PRKX: variants seen among roughly 807,000 people sequenced by gnomAD.
PRKX encodes the protein cAMP-dependent protein kinase catalytic subunit PRKX.
PRKX carries 12 observed loss-of-function variants against 22.0 expected under a neutral mutation model. That is an observed-to-expected ratio of 0.54 (90% CI 0.35 to 0.88). PRKX has a LOEUF of 0.88. PRKX is among the 40% of genes least tolerant of loss of function. The pLI, the probability that PRKX is intolerant of heterozygous loss-of-function variation, is 0.01. For missense variants in PRKX, 217 were observed against 308.0 expected (o/e 0.70, Z 2.21); for synonymous variants, 134 against 137.7 (o/e 0.97, Z 0.19).
intron 1 of PRKX, among the ~76,000 whole-genome samples, chrX:3,682,184 T>A (rs1204794690): frequency 3.7e-5 from 4 of 108,862 alleles, no homozygotes; most frequent in African/African-American, 1.3e-4. Flanking sequence ...TTCCCGGGAG[T>A]AGATTCACGG....
At chrX:3,625,595 A>C (rs1232858468) in intron 5 of PRKX, among the ~76,000 whole-genome samples, 1 of 110,657 alleles carries the variant, frequency 9.0e-6, no homozygotes, top group Non-Finnish European at 1.9e-5. Flanking sequence ...TTTTTGAGAC[A>C]GAATCTTGCT....
At chrX:3,686,455 T>A (rs1375798293) in intron 1 of PRKX, among the ~76,000 whole-genome samples, 3 of 108,578 alleles carry the variant, frequency 2.8e-5, no homozygotes, top group Non-Finnish European at 3.8e-5. Flanking sequence ...CAGGCTGGTC[T>A]TGAACTCCTG....
At chrX:3,613,082 C>T (rs1299819167) in intron 7 of PRKX, among the ~76,000 whole-genome samples, 6 of 90,066 alleles carry the variant, frequency 6.7e-5, no homozygotes, top group Admixed American at 4.3e-4. Flanking sequence ...ACCTGGGAGG[C>T]GGAGGTTGCA....
At position 3,626,417 on chromosome X, in the gene PRKX, A is replaced by G. The variant is rs1232799599; in HGVS notation, c.815+2T>C. On this transcript the variant is annotated splice_donor_variant, in intron 5 of 8. Transcript: ENST00000262848. LOFTEE classifies it high-confidence loss of function. ...TCATGATGAGGCAAACGGTTTACTT[A>G]CTTTACATGGAAATCCAAATGTCTG... The G allele has an allele frequency of 8.3e-7, 1 of 1,198,494 alleles. No homozygotes were observed.
At chrX:3,675,422 A>C (rs963152162) in intron 1 of PRKX, among the ~76,000 whole-genome samples, 1 of 111,064 alleles carries the variant, frequency 9.0e-6, no homozygotes, top group Non-Finnish European at 1.9e-5. Context: ...GACATTTTCA[A>C]TCCAAACACT....
intron 5 of PRKX, 86 bp from the exon 6 acceptor site, chrX:3,621,402 A>C (rs1603473176): frequency 1.2e-6 from 1 of 854,032 alleles, no homozygotes; most frequent in South Asian, 2.2e-5. Flanking sequence ...CAGAGATAAG[A>C]TCTATCTGAC....
In PRKX at chrX:3,713,233, G is replaced by C; in HGVS notation, c.21C>G (p.Ala7=). The C allele has an allele frequency of 9.5e-7, 1 of 1,055,373 alleles. No homozygotes were observed. The highest frequency in any genetic ancestry group is 1.2e-6 in the Non-Finnish European group (1 of 830,249). The allele number at this position is 1,055,373 out of a possible 1,213,427, so 87.0% of individuals were successfully genotyped here. Residue 7 remains alanine, a synonymous_variant, in exon 1 of 9, where the codon GCC becomes GCG. Coordinates refer to ENST00000262848, the MANE Select transcript of PRKX (RefSeq NM_005044.5). ...AGTCGCTCTCCGCCGCGGCCGCCTG[G>C]GCCAGCCCGGGCGCCTCCATGGGGA... MEAPGL[A]QAAAAESDSR... is the part of the protein sequence containing the mutation.
At chrX:3,652,214 T>C (rs1032989523) in intron 3 of PRKX, among the ~76,000 whole-genome samples, 10 of 110,464 alleles carry the variant, frequency 9.1e-5, no homozygotes, top group East Asian at 8.5e-4. Context: ...GTCAGGAGAT[T>C]GAGACCATCC....
chrX:3,694,371 G>A (rs1928402320), intron 1 of PRKX, among the ~76,000 whole-genome samples: 1 of 110,316 alleles, frequency 9.1e-6, no homozygotes, highest in Non-Finnish European at 1.9e-5. Flanking sequence ...CTGGGCAAAA[G>A]AGCGAAACTC....
At chrX:3,688,861 C>T (rs1410280285) in intron 1 of PRKX, among the ~76,000 whole-genome samples, 3 of 104,489 alleles carry the variant, frequency 2.9e-5, no homozygotes, top group Non-Finnish European at 5.8e-5. Flanking sequence ...AGAGCGGGAC[C>T]CCCATCTGTT....
intron 1 of PRKX, among the ~76,000 whole-genome samples, chrX:3,689,699 T>A (rs10871865): frequency 0.011 from 1,178 of 110,343 alleles, 5 homozygotes; most frequent in Non-Finnish European, 0.017. Flanking sequence ...ATGAATGGGC[T>A]GGGCGCGGTG....
In PRKX at chrX:3,713,271, C is replaced by G; in HGVS notation, c.-18G>C. 1 of 1,011,084 alleles carries G rather than the reference C, an allele frequency of 9.9e-7. No homozygotes were observed. 83.3% of individuals were successfully genotyped at this position (1,011,084 alleles called of 1,213,427 possible). ...GCCTCCATGGGGACGCACTCAGGTC[C>G]GGGGCACCGGGCCAGGCCGGAGCGC... On this transcript the variant is annotated 5_prime_UTR_variant, in exon 1 of 9. Transcript: ENST00000262848.
intron 1 of PRKX, among the ~76,000 whole-genome samples, chrX:3,690,284 A>C (rs1928295790): frequency 8.9e-6 from 1 of 112,150 alleles, no homozygotes; most frequent in Non-Finnish European, 1.9e-5. Flanking sequence ...TAGTTTGGTG[A>C]GTTCACTGGT....
intron 3 of PRKX, among the ~76,000 whole-genome samples, chrX:3,646,470 A>T (rs771130214): frequency 2.7e-5 from 3 of 111,593 alleles, no homozygotes; most frequent in Non-Finnish European, 5.6e-5. Context: ...GCTCAGGAGG[A>T]AGGACAGCTG....
intron 1 of PRKX, among the ~76,000 whole-genome samples, chrX:3,703,659 T>G (rs1037681868): frequency 1.1e-4 from 11 of 99,648 alleles, no homozygotes; most frequent in Admixed American, 9.5e-4. Context: ...GTTTTTGGGT[T>G]TTTTTGGTTG....
chrX:3,665,462 C>T (rs1226047667), intron 2 of PRKX, among the ~76,000 whole-genome samples: 3 of 110,116 alleles, frequency 2.7e-5, no homozygotes, highest in East Asian at 5.7e-4. Flanking sequence ...GGTGACAGAG[C>T]GAGACTCCAT....
chrX:3,690,516 G>C (rs1029333960), intron 1 of PRKX, among the ~76,000 whole-genome samples: 2 of 112,216 alleles, frequency 1.8e-5, no homozygotes, highest in Non-Finnish European at 3.8e-5. Flanking sequence ...CGGATCACTT[G>C]AGCACAGGAG....
At chrX:3,616,710 A>T (rs1437724526) in intron 6 of PRKX, among the ~76,000 whole-genome samples, 4 of 112,257 alleles carry the variant, frequency 3.6e-5, no homozygotes, top group Non-Finnish European at 5.6e-5. Flanking sequence ...CTTCAAAAGG[A>T]AACAGTAATG....
intron 6 of PRKX, among the ~76,000 whole-genome samples, chrX:3,618,960 G>A (rs1926498233): frequency 8.9e-6 from 1 of 112,017 alleles, no homozygotes; most frequent in African/African-American, 3.2e-5. Flanking sequence ...GGCTGGATAG[G>A]CTCCTCGGAG....
Sources: gnomAD v4.1 joint callset for allele counts (sites outside exome capture counted in the v4.1 genomes callset) on GRCh38, gnomAD v4.1.1 for gene constraint, MANE v1.5 for transcripts, NCBI Gene and HGNC (gene_info 2026-07-23, HGNC 2026-07-21) for gene names.